The following LRRCC1 variants were observed in gnomAD, a reference collection of about 807,000 sequenced individuals.
The protein encoded by LRRCC1 is leucine-rich repeat and coiled-coil domain-containing protein 1.
In LRRCC1, 115 loss-of-function variants were observed where a neutral mutation model predicts 126.0. The ratio of observed to expected loss-of-function variants is 0.91; its 90% CI spans 0.78 to 1.07. The LOEUF (loss-of-function observed/expected upper bound fraction) is 1.07, where lower values mean the gene tolerates loss of function less well. LRRCC1 is among the 50% of genes least tolerant of loss of function. The probability of loss-of-function intolerance (pLI) is 0.00; values close to 1 mark genes in which losing one functional copy is unlikely to be tolerated. For missense variants in LRRCC1, 1,172 were observed against 1,175.7 expected, an observed-to-expected ratio of 1.00 and a Z score of 0.05; for synonymous variants, 400 against 393.4, an observed-to-expected ratio of 1.02 and a Z score of -0.20.
intron 6 of LRRCC1, among the ~76,000 whole-genome samples, chr8:85,119,742 C>T (rs959255424): frequency 7.2e-5 from 11 of 152,128 alleles, no homozygotes; most frequent in South Asian, 2.1e-4. Flanking sequence ...AAGCGATCCT[C>T]CTGCCTCTGC....
At chr8:85,107,450 G>A (rs1223958730) in intron 1 of LRRCC1, 51 bp downstream of exon 1, 2 of 1,463,752 alleles carry the variant, frequency 1.4e-6, no homozygotes, top group Non-Finnish European at 1.9e-6. Context: ...CCAGAGCCGG[G>A]GCCACGAGTG....
At chr8:85,109,108 TG>T (rs1216783712) in intron 1 of LRRCC1, 2 of 153,660 alleles carry the variant, frequency 1.3e-5, no homozygotes, top group Admixed American at 6.5e-5. Flanking sequence ...TGCAAGAATT[TG>T]GGCAAGCTAT....
intron 18 of LRRCC1, among the ~76,000 whole-genome samples, chr8:85,144,474 A>ATT (rs56095819): frequency 4.5e-4 from 21 of 46,874 alleles, no homozygotes; most frequent in Admixed American, 2.7e-3. Context: ...ATATATATAT[A>ATT]TTTTTTTTTT....
At chr8:85,126,015 G>C (rs1242602309) in intron 8 of LRRCC1, among the ~76,000 whole-genome samples, 1 of 151,892 alleles carries the variant, frequency 6.6e-6, no homozygotes, top group African/African-American at 2.4e-5. Flanking sequence ...AATCTTTTCT[G>C]ATTCAACCCC....
chr8:85,125,942 TCTTA>T (rs1474440295), intron 8 of LRRCC1, among the ~76,000 whole-genome samples: 1 of 152,160 alleles, frequency 6.6e-6, no homozygotes, highest in South Asian at 2.1e-4. Flanking sequence ...TCATCTTTCT[TCTTA>T]CTTAACCTAT....
At chr8:85,122,179 G>A (rs1285167958) in intron 6 of LRRCC1, among the ~76,000 whole-genome samples, 2 of 152,098 alleles carry the variant, frequency 1.3e-5, no homozygotes, top group African/African-American at 2.4e-5. Context: ...TTTGGCTACT[G>A]TCAAGAATTT....
chr8:85,138,482 A>G lies in LRRCC1; in HGVS notation c.2840+7A>G, dbSNP rs1288802826. 5 of 1,606,404 alleles carry G rather than the reference A, an allele frequency of 3.1e-6. No homozygotes were observed. In the East Asian group the frequency reaches 8.9e-5, roughly 29 times the overall value. On this transcript the variant is annotated splice_region_variant and intron_variant, in intron 17 of 18. Coordinates refer to ENST00000360375, the MANE Select transcript of LRRCC1 (RefSeq NM_033402.5). ...AAAGTATTGAACTACAAAAGTAAGCATTAGGTTCTAAAGGATTTGAGATCT... is the reference window on the plus strand; with the variant it reads ...AAAGTATTGAACTACAAAAGTAAGCGTTAGGTTCTAAAGGATTTGAGATCT...
intron 18 of LRRCC1, among the ~76,000 whole-genome samples, chr8:85,145,097 A>G (rs1401633660): frequency 9.5e-6 from 1 of 105,192 alleles, no homozygotes; most frequent in East Asian, 2.3e-4. Context: ...AAATAAATAA[A>G]TGCATATAAA....
intron 12 of LRRCC1, among the ~76,000 whole-genome samples, chr8:85,133,375 A>G (rs1226073057): frequency 6.6e-6 from 1 of 152,118 alleles, no homozygotes; most frequent in African/African-American, 2.4e-5. Flanking sequence ...TCATTATTGC[A>G]GTGCCCAAGT....
chr8:85,131,759 G>A lies in LRRCC1; in HGVS notation c.1767-1G>A. The stretch of plus-strand genomic sequence containing the variant: ...TTATCTTTATATGTTTTTCACTCCA[G>A]GAAGGAACTTGAAACAAGGGAGTTT... On this transcript the variant is annotated splice_acceptor_variant, in intron 11 of 18. Coordinates refer to ENST00000360375, the MANE Select transcript of LRRCC1 (RefSeq NM_033402.5). LOFTEE classifies it high-confidence loss of function. 6.2e-7 allele frequency: 1 copy of A among 1,609,884 alleles called. No individual in the cohort carries two copies.
At position 85,129,270 on chromosome 8, in the gene LRRCC1, A is replaced by T; in HGVS notation, c.1517A>T (p.Glu506Val). The change falls in exon 10 of 19, where the codon GAA becomes GTA. Residue 506 changes from glutamate (E) to valine (V), a missense_variant. Physicochemically the swap from Glu to Val is moderately radical, Grantham distance 121. Transcript: ENST00000360375. ...LQNEIKKLTV[E>V]LMKAKDQQED... ...AATGAAATTAAAAAACTGACTGTTGAACTAATGAAAGCAAAAGATCAACAA... is the reference window on the plus strand; with the variant it reads ...AATGAAATTAAAAAACTGACTGTTGTACTAATGAAAGCAAAAGATCAACAA... 1 of 1,613,784 alleles carries T rather than the reference A, an allele frequency of 6.2e-7. No homozygotes were observed. The highest frequency in any genetic ancestry group is 8.5e-7 in the Non-Finnish European group (1 of 1,179,754).
chr8:85,129,782 ACAT>A (rs1417958586), intron 10 of LRRCC1, 134 bp from the exon 11 acceptor site: 7 of 638,356 alleles, frequency 1.1e-5, no homozygotes, highest in Middle Eastern at 3.4e-4. Flanking sequence ...TGTGACTGTA[ACAT>A]CATTAATTTA....
intron 12 of LRRCC1, among the ~76,000 whole-genome samples, chr8:85,134,436 GC>G (rs1187130821): frequency 1.3e-5 from 2 of 152,086 alleles, no homozygotes; most frequent in Non-Finnish European, 2.9e-5. Context: ...TCCTGCCTCA[GC>G]CTCCCAAGTA....
At chr8:85,109,206 A>T in intron 1 of LRRCC1, 1 of 175,650 alleles carries the variant, frequency 5.7e-6, no homozygotes, top group African/African-American at 2.3e-5. Flanking sequence ...ACTGAGGCTC[A>T]GGTTGTCATT....
At chr8:85,123,380 T>TTTAACAAA in intron 6 of LRRCC1, 33 bp from the exon 7 acceptor site, 1 of 1,450,544 alleles carries the variant, frequency 6.9e-7, no homozygotes, top group Non-Finnish European at 9.4e-7. Context: ...ATACTGAACT[T>TTTAACAAA]TTAACAAATT....
At chr8:85,135,747 C>T in intron 13 of LRRCC1, 42 bp from the exon 14 acceptor site, 1 of 1,189,352 alleles carries the variant, frequency 8.4e-7, no homozygotes, top group Non-Finnish European at 1.1e-6. Context: ...AAATAAAGCA[C>T]TTAATATAAT....
In LRRCC1 at chr8:85,110,000, T is replaced by C. The variant is rs1232905074; in HGVS notation, c.311-115T>C. On this transcript the variant is annotated intron_variant, in intron 2 of 18. Coordinates refer to ENST00000360375, the MANE Select transcript of LRRCC1 (RefSeq NM_033402.5). ...AATGCCAATAAAATTGATTTCGCTG[T>C]TACCAGACTGGATTTACTTCAGAAC... The C allele has an allele frequency of 4.8e-6, 3 of 619,498 alleles. No homozygotes were observed. The East Asian group carries it at 8.8e-5, about 18-fold the overall frequency. The allele number at this position is 619,498 out of a possible 1,614,324, so 38.4% of individuals were successfully genotyped here.
chr8:85,112,848 G>T, intron 3 of LRRCC1, 84 bp from the exon 4 acceptor site: 2 of 1,021,240 alleles, frequency 2.0e-6, no homozygotes, highest in Non-Finnish European at 2.8e-6. Context: ...GCCTCTAAAA[G>T]TATAACCTAT....
intron 9 of LRRCC1, among the ~76,000 whole-genome samples, chr8:85,127,493 A>T (rs1810105303): frequency 6.6e-6 from 1 of 152,166 alleles, no homozygotes; most frequent in South Asian, 2.1e-4. Flanking sequence ...TTGAATGAGC[A>T]CTAGGTTTTT....
Sources: allele counts gnomAD v4.1 joint callset (sites outside exome capture counted in the v4.1 genomes callset), GRCh38; gene constraint gnomAD v4.1.1; transcripts MANE v1.5; gene names NCBI Gene and HGNC (gene_info 2026-07-23, HGNC 2026-07-21).